The following PSMD7 variants were observed in gnomAD, a reference collection of about 807,000 sequenced individuals.
PSMD7 encodes the protein proteasome 26S subunit, non-ATPase 7, also known as 26S proteasome non-ATPase regulatory subunit 7.
PSMD7 carries 13 observed loss-of-function variants against 36.4 expected under a neutral mutation model. The ratio of observed to expected loss-of-function variants is 0.36; its 90% CI spans 0.23 to 0.57. The LOEUF (loss-of-function observed/expected upper bound fraction) is 0.57. PSMD7 is among the 20% of genes least tolerant of loss of function. The pLI is 0.83. For synonymous variants in PSMD7, 186 were observed against 151.0 expected (o/e 1.23, Z -1.70); for missense variants, 298 against 393.6 (o/e 0.76, Z 2.06).
Position 74,300,120 on chromosome 16 carries a change from G to T in PSMD7, c.80G>T (p.Gly27Val), listed in dbSNP as rs1297098163. Residue 27 changes from glycine to valine, a missense_variant, in exon 2 of 7, where the codon GGC becomes GTC. By Grantham distance (109) the Gly-to-Val change is moderately radical. Transcript: ENST00000219313. ...LSVVDHFNRI[G>V]KVGNQKRVVG... Reference sequence around the variant, plus strand: ...CCATCTGTTTTCTCATTCAGAATCGGCAAGGTTGGAAACCAGAAGCGTGTT... The same window carrying T: ...CCATCTGTTTTCTCATTCAGAATCGTCAAGGTTGGAAACCAGAAGCGTGTT... 1 of 1,614,068 alleles carries T rather than the reference G, an allele frequency of 6.2e-7. No individual in the cohort carries two copies. Among genetic ancestry groups the T allele is most frequent in the African/African-American group, 1.3e-5 (1 of 75,006 alleles).
intron 5 of PSMD7, 31 bp from the exon 6 acceptor site, chr16:74,304,268 AAAAT>A (rs766336749): frequency 1.2e-5 from 19 of 1,589,748 alleles, no homozygotes; most frequent in African/African-American, 2.7e-5. Flanking sequence ...TCGTTTGTGG[AAAAT>A]AAATAATTAT....
rs750433143 is a variant in PSMD7 at position 74,305,501 on chromosome 16, C to A, written c.743C>A (p.Ala248Asp). 4.3e-6 allele frequency: 7 copies of A among 1,614,172 alleles called. No individual in the cohort carries two copies. Among genetic ancestry groups the A allele is most frequent in the Non-Finnish European group, 5.9e-6 (7 of 1,180,028 alleles). ...GTCAGCCTGCAGGAGTTCGTCAAGG[C>A]CTTTTACCTGAAGACCAATGACCAG... is the stretch of plus-strand genomic sequence containing the variant. ...PDVSLQEFVK[A>D]FYLKTNDQMV... The change falls in exon 7 of 7, where the codon GCC becomes GAC. Residue 248 changes from alanine to aspartate, a missense_variant. Coordinates refer to ENST00000219313, the MANE Select transcript of PSMD7 (RefSeq NM_002811.5).
intron 6 of PSMD7, 97 bp downstream of exon 6, chr16:74,304,491 C>A: frequency 1.0e-6 from 1 of 999,516 alleles, no homozygotes; most frequent in South Asian, 1.6e-5. Context: ...CCTGGGGTCT[C>A]GTCCTGGCCG....
In PSMD7 at chr16:74,304,495, C is replaced by T. The variant is rs560066976; in HGVS notation, c.530+101C>T. Reference sequence around the variant, plus strand: ...GAATATGGAGACCTGGGGTCTCGTCCTGGCCGTCCACTAACAAGTCTGCCA... The same window carrying T: ...GAATATGGAGACCTGGGGTCTCGTCTTGGCCGTCCACTAACAAGTCTGCCA... On this transcript the variant is annotated intron_variant, in intron 6 of 6. Coordinates refer to ENST00000219313, the MANE Select transcript of PSMD7 (RefSeq NM_002811.5). 613 of 998,920 alleles carry T rather than the reference C, an allele frequency of 6.1e-4. 1 individual carries two copies. Among genetic ancestry groups the T allele is most frequent in the Non-Finnish European group, 8.7e-4 (575 of 661,858 alleles). The allele number at this position is 998,920 out of a possible 1,614,324, so 61.9% of individuals were successfully genotyped here.
chr16:74,302,177 G>A lies in PSMD7; in HGVS notation c.358-35G>A, dbSNP rs377642515. 1.0e-3 allele frequency: 1,582 copies of A among 1,563,154 alleles called. 3 individuals are homozygous for A. The highest frequency in any genetic ancestry group is 1.7e-3 in the Middle Eastern group (10 of 5,958). ...TGAAATTACCCCTTTTGTGCTGGGC[G>A]TGAGATGACTTGCTAAGATGTGTTT... On this transcript the variant is annotated intron_variant, in intron 4 of 6. Coordinates refer to ENST00000219313, the MANE Select transcript of PSMD7 (RefSeq NM_002811.5).
Position 74,305,498 on chromosome 16 carries a change from A to C in PSMD7, c.740A>C (p.Lys247Thr). The part of the protein sequence containing the change: ...LPDVSLQEFV[K>T]AFYLKTNDQM... ...GATGTCAGCCTGCAGGAGTTCGTCA[A>C]GGCCTTTTACCTGAAGACCAATGAC... Residue 247 changes from lysine to threonine, a missense_variant, in exon 7 of 7, where the codon AAG becomes ACG. Coordinates refer to ENST00000219313, the MANE Select transcript of PSMD7 (RefSeq NM_002811.5). The C allele has an allele frequency of 5.0e-6, 8 of 1,614,196 alleles. No individual in the cohort carries two copies. The highest frequency in any genetic ancestry group is 6.8e-6 in the Non-Finnish European group (8 of 1,180,040).
At chr16:74,304,506 C>T (rs2034180608) in intron 6 of PSMD7, 112 bp downstream of exon 6, 1 of 839,948 alleles carries the variant, frequency 1.2e-6, no homozygotes, top group Non-Finnish European at 1.9e-6. Flanking sequence ...TGGCCGTCCA[C>T]TAACAAGTCT....
Position 74,305,509 on chromosome 16 carries a change from C to A in PSMD7, c.751C>A (p.Leu251Met). ...GCAGGAGTTCGTCAAGGCCTTTTAC[C>A]TGAAGACCAATGACCAGATGGTGGT... ...SLQEFVKAFY[L>M]KTNDQMVVVY... Residue 251 changes from leucine (L) to methionine (M), a missense_variant, in exon 7 of 7, where the codon CTG becomes ATG. Transcript: ENST00000219313. 6.2e-7 allele frequency: 1 copy of A among 1,614,184 alleles called. No homozygotes were observed. The highest frequency in any genetic ancestry group is 8.5e-7 in the Non-Finnish European group (1 of 1,180,042).
At position 74,306,124 on chromosome 16, in the gene PSMD7, A is replaced by C; in HGVS notation, c.*391A>C. ...CAAAATTGCTAAGTGGAATGCATGA[A>C]TTGCATTATGTTCTCTGGTAACACG... On this transcript the variant is annotated 3_prime_UTR_variant, in exon 7 of 7. Transcript: ENST00000219313. The C allele has an allele frequency of 6.3e-6, 1 of 159,392 alleles. No homozygotes were observed. Among genetic ancestry groups the C allele is most frequent in the Non-Finnish European group, 1.4e-5 (1 of 72,500 alleles). 9.9% of individuals were successfully genotyped at this position (159,392 alleles called of 1,614,324 possible). A position where few individuals can be genotyped will look rare whatever the true frequency, so the allele number is the denominator to read the frequency against.
At chr16:74,299,537 C>G (rs1254040468) in intron 1 of PSMD7, 2 of 455,226 alleles carry the variant, frequency 4.4e-6, no homozygotes, top group African/African-American at 4.0e-5. Flanking sequence ...AGGCACATCC[C>G]CACTATGCCC....
chr16:74,303,221 C>CA (rs2034170102), intron 5 of PSMD7, among the ~76,000 whole-genome samples: 1 of 152,222 alleles, frequency 6.6e-6, no homozygotes, highest in Admixed American at 6.5e-5. Context: ...TCCTGGCATC[C>CA]AAAGCAAAGA....
chr16:74,299,518 T>G (rs570635592), intron 1 of PSMD7: 1 of 453,144 alleles, frequency 2.2e-6, no homozygotes, highest in Non-Finnish European at 4.4e-6. Context: ...CCCAAGTAGC[T>G]GAGACTACAG....
Position 74,296,860 on chromosome 16 carries a change from C to CTTT in PSMD7, c.-54_-53insTTT, listed in dbSNP as rs1453789967. ...GAAAGGGTACCGGTGACCGCTACTG[C>CTTT]TGCCGGTGTTTGCGTGTGGCAGGGA... On this transcript the variant is annotated 5_prime_UTR_variant, in exon 1 of 7. Coordinates refer to ENST00000219313, the MANE Select transcript of PSMD7 (RefSeq NM_002811.5). 1.9e-6 allele frequency: 3 copies of CTTT among 1,586,994 alleles called. No homozygotes were observed. In the African/African-American group the frequency reaches 4.0e-5, roughly 21 times the overall value.
intron 3 of PSMD7, 34 bp from the exon 4 acceptor site, chr16:74,301,521 A>G (rs757767249): frequency 1.4e-6 from 2 of 1,470,858 alleles, no homozygotes; most frequent in East Asian, 4.5e-5. Context: ...TCTTCATGAA[A>G]TAGTTAAAGC....
At chr16:74,303,065 C>G (rs1009630087) in intron 5 of PSMD7, among the ~76,000 whole-genome samples, 3 of 152,050 alleles carry the variant, frequency 2.0e-5, no homozygotes, top group African/African-American at 7.2e-5. Flanking sequence ...TGAGGTTGCT[C>G]GTACACATGC....
intron 5 of PSMD7, among the ~76,000 whole-genome samples, chr16:74,302,837 C>T (rs918099602): frequency 1.3e-5 from 2 of 152,188 alleles, no homozygotes; most frequent in African/African-American, 2.4e-5. Context: ...CAGTATTTAT[C>T]CTTACTTTCA....
Position 74,305,832 on chromosome 16 carries a change from G to GA in PSMD7, c.*102dup. 1 of 1,326,210 alleles carries GA rather than the reference G, an allele frequency of 7.5e-7. No individual in the cohort carries two copies. 82.2% of individuals were successfully genotyped at this position (1,326,210 alleles called of 1,614,324 possible). On this transcript the variant is annotated 3_prime_UTR_variant, in exon 7 of 7. Coordinates refer to ENST00000219313, the MANE Select transcript of PSMD7 (RefSeq NM_002811.5). ...TCTTTTTCACTTGACATGCTTATTA[G>GA]AAAGCTGACCCAACAAGAGCTCTCT...
At position 74,304,459 on chromosome 16, in the gene PSMD7, G is replaced by A. The variant is rs1287227766; in HGVS notation, c.530+65G>A. 3.5e-6 allele frequency: 5 copies of A among 1,444,158 alleles called. No individual in the cohort carries two copies. In the Admixed American group the frequency reaches 5.2e-5, roughly 15 times the overall value. 89.5% of individuals were successfully genotyped at this position (1,444,158 alleles called of 1,614,324 possible). On this transcript the variant is annotated intron_variant, in intron 6 of 6. Transcript: ENST00000219313. ...AGAGGTCACACAGTGTAAGGAAGAGGTCTGTGTCGGGAATATGGAGACCTG... is the reference window on the plus strand; with the variant it reads ...AGAGGTCACACAGTGTAAGGAAGAGATCTGTGTCGGGAATATGGAGACCTG...
Position 74,296,877 on chromosome 16 carries a change from T to C in PSMD7, c.-38T>C. 1 of 1,608,868 alleles carries C rather than the reference T, an allele frequency of 6.2e-7. No individual in the cohort carries two copies. Among genetic ancestry groups the C allele is most frequent in the Non-Finnish European group, 8.5e-7 (1 of 1,177,744 alleles). ...CGCTACTGCTGCCGGTGTTTGCGTG[T>C]GGCAGGGAGCCAGGCCTGGCGAGCG... On this transcript the variant is annotated 5_prime_UTR_variant, in exon 1 of 7. Transcript: ENST00000219313.
Sources: allele counts gnomAD v4.1 joint callset (sites outside exome capture counted in the v4.1 genomes callset), GRCh38; gene constraint gnomAD v4.1.1; transcripts MANE v1.5; gene names NCBI Gene and HGNC (gene_info 2026-07-23, HGNC 2026-07-21).